The following RAB3C variants were observed in gnomAD, a reference collection of about 807,000 sequenced individuals.
RAB3C encodes the protein RAB3C, member RAS oncogene family.
In RAB3C, 17 loss-of-function variants were observed where a neutral mutation model predicts 26.4. That is an observed-to-expected ratio of 0.64 (90% CI 0.44 to 0.97). RAB3C has a LOEUF of 0.97. Among genes scored for constraint, RAB3C ranks in the 50% least tolerant of loss-of-function variants. The pLI is 0.00. For missense variants in RAB3C, 242 were observed against 281.9 expected, an observed-to-expected ratio of 0.86 and a Z score of 1.01; for synonymous variants, 91 against 95.9, an observed-to-expected ratio of 0.95 and a Z score of 0.30.
intron 3 of RAB3C, among the ~76,000 whole-genome samples, chr5:58,795,716 G>A (rs1742629873): frequency 6.6e-6 from 1 of 152,114 alleles, no homozygotes. Context: ...TTCTAATGGT[G>A]ATTTCCATTA....
chr5:58,794,694 A>G (rs1418638463), intron 3 of RAB3C, among the ~76,000 whole-genome samples: 1 of 152,210 alleles, frequency 6.6e-6, no homozygotes, highest in Non-Finnish European at 1.5e-5. Flanking sequence ...TGATGCTTTA[A>G]TTCTCGTAAC....
chr5:58,596,141 G>A (rs1040646771), intron 1 of RAB3C, among the ~76,000 whole-genome samples: 3 of 151,972 alleles, frequency 2.0e-5, no homozygotes, highest in African/African-American at 7.3e-5. Context: ...TGAAAGTTCT[G>A]CTGTGTACCA....
At position 58,608,840 on chromosome 5, in the gene RAB3C, G is replaced by A. The variant is rs186962003; in HGVS notation, c.25-8803G>A. On this transcript the variant is annotated intron_variant, in intron 1 of 4. Coordinates refer to ENST00000282878, the MANE Select transcript of RAB3C (RefSeq NM_138453.4). Reference sequence around the variant, plus strand: ...TAAGAAAATGTGGCACATATACACCGTGGAATACTATGCAGCCATAAAAAA... The same window carrying A: ...TAAGAAAATGTGGCACATATACACCATGGAATACTATGCAGCCATAAAAAA... Among the ~76,000 whole-genome samples, 91 of 152,148 alleles carry A rather than the reference G, an allele frequency of 6.0e-4. 1 individual carries two copies. In the South Asian group the frequency reaches 9.3e-3, roughly 16 times the overall value.
At chr5:58,636,628 T>G (rs1220744849) in intron 2 of RAB3C, among the ~76,000 whole-genome samples, 9 of 152,220 alleles carry the variant, frequency 5.9e-5, no homozygotes, top group Non-Finnish European at 1.5e-5. Flanking sequence ...TAATATCATT[T>G]TGCCAGCCTC....
chr5:58,667,751 A>G (rs1413406049), intron 2 of RAB3C, among the ~76,000 whole-genome samples: 2 of 152,270 alleles, frequency 1.3e-5, no homozygotes, highest in Admixed American at 6.5e-5. Flanking sequence ...AGAAGAATCA[A>G]TAGCATTTTA....
intron 3 of RAB3C, among the ~76,000 whole-genome samples, chr5:58,773,436 A>C (rs1348778808): frequency 6.6e-6 from 1 of 152,168 alleles, no homozygotes; most frequent in Admixed American, 6.5e-5. Flanking sequence ...GAAGGAAAAT[A>C]AGTAAGAATT....
chr5:58,583,114 C>T lies in RAB3C; in HGVS notation c.-95C>T, dbSNP rs1745937666. 1.3e-6 allele frequency: 2 copies of T among 1,599,732 alleles called. No individual in the cohort carries two copies. Among genetic ancestry groups the T allele is most frequent in the Admixed American group, 1.7e-5 (1 of 57,612 alleles). ...AGCCGGTTAGCGAACCCCAAGAGTGCAGAGTGTGGAGCGTGGAGCGCCGGG... is the reference window on the plus strand; with the variant it reads ...AGCCGGTTAGCGAACCCCAAGAGTGTAGAGTGTGGAGCGTGGAGCGCCGGG... On this transcript the variant is annotated 5_prime_UTR_variant, in exon 1 of 5. Transcript: ENST00000282878.
At chr5:58,666,347 A>G (rs1164335069) in intron 2 of RAB3C, among the ~76,000 whole-genome samples, 2 of 152,178 alleles carry the variant, frequency 1.3e-5, no homozygotes, top group African/African-American at 4.8e-5. Flanking sequence ...TGAACAAGCT[A>G]TTACTCTGTA....
At chr5:58,795,794 T>C (rs1038834665) in intron 3 of RAB3C, among the ~76,000 whole-genome samples, 3 of 151,132 alleles carry the variant, frequency 2.0e-5, no homozygotes, top group Admixed American at 6.6e-5. Flanking sequence ...GAAAGAAAGA[T>C]AGGAGGTAGG....
At chr5:58,645,514 TCCACCTAC>T (rs1344566537) in intron 2 of RAB3C, among the ~76,000 whole-genome samples, 1 of 152,224 alleles carries the variant, frequency 6.6e-6, no homozygotes, top group African/African-American at 2.4e-5. Context: ...TATTCATTCA[TCCACCTAC>T]CCACCTACCC....
chr5:58,633,511 T>C (rs1408663252), intron 2 of RAB3C, among the ~76,000 whole-genome samples: 2 of 152,272 alleles, frequency 1.3e-5, no homozygotes, highest in East Asian at 3.9e-4. Flanking sequence ...AAACATTTAA[T>C]ATGGACATTC....
At chr5:58,707,887 G>A (rs1748977523) in intron 2 of RAB3C, among the ~76,000 whole-genome samples, 1 of 152,054 alleles carries the variant, frequency 6.6e-6, no homozygotes, top group Non-Finnish European at 1.5e-5. Context: ...AGGATTCATT[G>A]CTTGGTTCCA....
At chr5:58,602,910 G>A (rs186514565) in intron 1 of RAB3C, among the ~76,000 whole-genome samples, 2 of 152,106 alleles carry the variant, frequency 1.3e-5, no homozygotes, top group Admixed American at 1.3e-4. Flanking sequence ...TATAGGTCCT[G>A]TGTGATTTAT....
chr5:58,586,116 T>G (rs951196243), intron 1 of RAB3C, among the ~76,000 whole-genome samples: 1 of 152,056 alleles, frequency 6.6e-6, no homozygotes, highest in Non-Finnish European at 1.5e-5. Context: ...TTTCATTGTA[T>G]TTGTGTGTAT....
At chr5:58,756,537 AC>A (rs1300813329) in intron 3 of RAB3C, among the ~76,000 whole-genome samples, 2 of 69,292 alleles carry the variant, frequency 2.9e-5, no homozygotes, top group East Asian at 3.8e-4. Flanking sequence ...CTGGCCCCCC[AC>A]CCCCCAACAG....
intron 1 of RAB3C, among the ~76,000 whole-genome samples, chr5:58,616,011 C>CACA (rs1561267668): frequency 6.7e-6 from 1 of 149,920 alleles, no homozygotes; most frequent in Non-Finnish European, 1.5e-5. Flanking sequence ...CACACACACA[C>CACA]CCCTGACTTC....
At chr5:58,604,704 C>T (rs1166035135) in intron 1 of RAB3C, among the ~76,000 whole-genome samples, 1 of 152,164 alleles carries the variant, frequency 6.6e-6, no homozygotes, top group East Asian at 1.9e-4. Context: ...GCAAGATGGG[C>T]TTGAAAACTT....
chr5:58,837,442 A>G (rs1323881680), intron 4 of RAB3C, among the ~76,000 whole-genome samples: 1 of 151,924 alleles, frequency 6.6e-6, no homozygotes, highest in Non-Finnish European at 1.5e-5. Flanking sequence ...TTGGCCTCCC[A>G]AAGTGCTGGG....
At chr5:58,793,682 T>C (rs917755309) in intron 3 of RAB3C, among the ~76,000 whole-genome samples, 4 of 151,232 alleles carry the variant, frequency 2.6e-5, no homozygotes, top group African/African-American at 9.7e-5. Flanking sequence ...TGTGGGGAGC[T>C]TTTAAAAGTC....
Sources: allele counts gnomAD v4.1 joint callset (sites outside exome capture counted in the v4.1 genomes callset), GRCh38; gene constraint gnomAD v4.1.1; transcripts MANE v1.5; gene names NCBI Gene and HGNC (gene_info 2026-07-23, HGNC 2026-07-21).